TARS3: variants seen among roughly 807,000 people sequenced by gnomAD.
The protein encoded by TARS3 is threonyl-tRNA synthetase 3.
TARS3 carries 94 observed loss-of-function variants against 103.5 expected under a neutral mutation model. The observed-to-expected ratio is 0.91, with a 90% CI of 0.77 to 1.08. The LOEUF (loss-of-function observed/expected upper bound fraction) is 1.08. Among genes scored for constraint, TARS3 ranks in the 50% least tolerant of loss-of-function variants. TARS3 has a pLI of 0.00. For missense variants in TARS3, 952 were observed against 995.2 expected (o/e 0.96, Z 0.58); for synonymous variants, 416 against 355.4 (o/e 1.17, Z -1.92).
intron 7 of TARS3, 128 bp from the exon 8 acceptor site, chr15:101,704,065 T>A (rs1899419400): frequency 3.3e-6 from 2 of 600,662 alleles, no homozygotes; most frequent in East Asian, 6.2e-5. Context: ...CATTTTTAAT[T>A]TAGGGTGAAG....
At chr15:101,669,884 T>C (rs1897729127) in intron 15 of TARS3, among the ~76,000 whole-genome samples, 2 of 152,238 alleles carry the variant, frequency 1.3e-5, no homozygotes, top group African/African-American at 4.8e-5. Flanking sequence ...CACATATATA[T>C]GTCCAACTAA....
intron 13 of TARS3, among the ~76,000 whole-genome samples, chr15:101,672,347 G>T (rs1435949624): frequency 6.6e-6 from 1 of 152,208 alleles, no homozygotes; most frequent in Non-Finnish European, 1.5e-5. Flanking sequence ...CATTGAAGGT[G>T]AGGATGCAAG....
chr15:101,714,984 T>A (rs199733310), intron 3 of TARS3, 21 bp from the exon 4 acceptor site: 214 of 1,600,242 alleles, frequency 1.3e-4, no homozygotes, highest in Non-Finnish European at 9.4e-6. Flanking sequence ...AAAAGCCACT[T>A]GGGAGTTAAC....
chr15:101,724,161 G>T lies in TARS3; in HGVS notation c.227C>A (p.Ala76Asp). The T allele has an allele frequency of 6.7e-7, 1 of 1,482,446 alleles. No homozygotes were observed. Among genetic ancestry groups the T allele is most frequent in the Non-Finnish European group, 8.9e-7 (1 of 1,118,308 alleles). 91.8% of individuals were successfully genotyped at this position (1,482,446 alleles called of 1,614,324 possible). ...CGTGGCCTGGCGGCTCCGCTCCTCGGCGAGGCACAGCCGCAGGCTGCACAG... is the reference window on the plus strand; with the variant it reads ...CGTGGCCTGGCGGCTCCGCTCCTCGTCGAGGCACAGCCGCAGGCTGCACAG... ...HRLCSLRLCL[A>D]EERSRQATLE... The change falls in exon 1 of 19, where the codon GCC becomes GAC. Residue 76 changes from alanine to aspartate, a missense_variant. Transcript: ENST00000335968.
At chr15:101,675,861 G>T in intron 12 of TARS3, 124 bp from the exon 13 acceptor site, 2 of 1,122,446 alleles carry the variant, frequency 1.8e-6, no homozygotes, top group Non-Finnish European at 2.5e-6. Context: ...TGATGATCCT[G>T]TTTTGGTTGC....
intron 15 of TARS3, among the ~76,000 whole-genome samples, chr15:101,665,266 A>C (rs1897537194): frequency 6.6e-6 from 1 of 152,250 alleles, no homozygotes; most frequent in Non-Finnish European, 1.5e-5. Context: ...ATAAGTCCAC[A>C]GACAGACACA....
chr15:101,657,817 C>T lies in TARS3; in HGVS notation c.2113G>A (p.Val705Met), dbSNP rs776089185. 1.9e-6 allele frequency: 3 copies of T among 1,609,890 alleles called. No homozygotes were observed. The South Asian group carries it at 3.3e-5, about 18-fold the overall frequency. The change falls in exon 17 of 19, where the codon GTG becomes ATG. Residue 705 changes from valine to methionine, a missense_variant. Around this residue, in one of 2 missense-constraint regions of TARS3, gnomAD observed 540 missense variants for 631.0 expected, o/e 0.86. Coordinates refer to ENST00000335968, the MANE Select transcript of TARS3 (RefSeq NM_152334.3). Reference protein sequence around the residue: ...LSPRQVMVIPVGPTCEKYALQ... With the variant: ...LSPRQVMVIPMGPTCEKYALQ... Reference sequence around the variant, plus strand: ...GCATATTTTTCACAAGTTGGCCCCACAGGGATGACCATCACCTGACGAGGA... The same window carrying T: ...GCATATTTTTCACAAGTTGGCCCCATAGGGATGACCATCACCTGACGAGGA...
chr15:101,724,353 G>A lies in TARS3; in HGVS notation c.35C>T (p.Ala12Val). 1 of 1,545,746 alleles carries A rather than the reference G, an allele frequency of 6.5e-7. No individual in the cohort carries two copies. The highest frequency in any genetic ancestry group is 8.7e-7 in the Non-Finnish European group (1 of 1,152,566). The change falls in exon 1 of 19, where the codon GCG (alanine) becomes GTG (valine). Residue 12 changes from alanine to valine, a missense_variant. Coordinates refer to ENST00000335968, the MANE Select transcript of TARS3 (RefSeq NM_152334.3). ...CTCCTCCTGCCGCTCCAGGCGCGAC[G>A]CCACGGCCTCCGCCGCCAGGGCCTC... ...AAEALAAEAV[A>V]SRLERQEEDI... is the part of the protein sequence containing the mutation.
chr15:101,686,664 G>A (rs1898489921), intron 10 of TARS3, among the ~76,000 whole-genome samples: 1 of 152,118 alleles, frequency 6.6e-6, no homozygotes, highest in South Asian at 2.1e-4. Flanking sequence ...ACAATTAGGT[G>A]ATCTTTGTTG....
At position 101,703,917 on chromosome 15, in the gene TARS3, A is replaced by T. The variant is rs764327590; in HGVS notation, c.1016T>A (p.Leu339His). 7.4e-6 allele frequency: 12 copies of T among 1,613,152 alleles called. No individual in the cohort carries two copies. Among genetic ancestry groups the T allele is most frequent in the Non-Finnish European group, 9.3e-6 (11 of 1,179,454 alleles). Residue 339 changes from leucine to histidine, a missense_variant, in exon 8 of 19, where the codon CTT (leucine) becomes CAT (histidine). By Grantham distance (99) the Leu-to-His change is moderately conservative. Coordinates refer to ENST00000335968, the MANE Select transcript of TARS3 (RefSeq NM_152334.3). The part of the protein sequence containing the change: ...TVYRCGPLID[L>H]CKGPHVRHTG... The stretch of plus-strand genomic sequence containing the variant: ...GTGTCTTACATGTGGACCTTTGCAA[A>T]GGTCAATTAATGGACCGCACCTATA...
At chr15:101,694,732 T>C (rs1898885696) in intron 10 of TARS3, among the ~76,000 whole-genome samples, 1 of 152,250 alleles carries the variant, frequency 6.6e-6, no homozygotes, top group Admixed American at 6.5e-5. Flanking sequence ...AACACTAATG[T>C]AAGAAAGCTA....
intron 8 of TARS3, 115 bp downstream of exon 8, chr15:101,703,744 T>G (rs568207145): frequency 1.5e-6 from 1 of 665,840 alleles, no homozygotes; most frequent in African/African-American, 1.8e-5. Flanking sequence ...ATGAAATATT[T>G]TAAAATATCA....
At chr15:101,673,872 T>C (rs1487643028) in intron 13 of TARS3, among the ~76,000 whole-genome samples, 1 of 152,176 alleles carries the variant, frequency 6.6e-6, no homozygotes, top group Non-Finnish European at 1.5e-5. Flanking sequence ...GTAAAAATAA[T>C]TGTTATACTA....
intron 3 of TARS3, among the ~76,000 whole-genome samples, chr15:101,716,813 A>T (rs568002056): frequency 1.3e-5 from 2 of 151,832 alleles, no homozygotes; most frequent in Admixed American, 6.6e-5. Flanking sequence ...CTGAGTTCTC[A>T]TAATGTTAGG....
intron 12 of TARS3, among the ~76,000 whole-genome samples, chr15:101,679,363 G>A (rs1337886708): frequency 2.0e-5 from 3 of 151,984 alleles, no homozygotes; most frequent in African/African-American, 4.8e-5. Flanking sequence ...TGTAATTTCT[G>A]TTCTTGTCAT....
intron 13 of TARS3, among the ~76,000 whole-genome samples, chr15:101,672,999 G>T (rs1014833712): frequency 1.1e-4 from 16 of 152,184 alleles, no homozygotes; most frequent in African/African-American, 3.9e-4. Flanking sequence ...GGCCTTGGAG[G>T]ACACAGGACA....
At chr15:101,678,400 C>A (rs1898118586) in intron 12 of TARS3, among the ~76,000 whole-genome samples, 1 of 151,988 alleles carries the variant, frequency 6.6e-6, no homozygotes, top group Non-Finnish European at 1.5e-5. Flanking sequence ...TCTTGTTATT[C>A]ATTTCTGTTT....
At chr15:101,709,459 C>T (rs770024504) in intron 5 of TARS3, among the ~76,000 whole-genome samples, 8 of 152,186 alleles carry the variant, frequency 5.3e-5, no homozygotes, top group African/African-American at 9.6e-5. Flanking sequence ...CATATCCCCA[C>T]ACCAGGACAG....
chr15:101,704,463 G>A (rs534126460), intron 7 of TARS3, among the ~76,000 whole-genome samples: 9 of 152,010 alleles, frequency 5.9e-5, no homozygotes, highest in South Asian at 2.1e-4. Flanking sequence ...GACCAGCCTC[G>A]CCAACATAGT....
Sources: allele counts gnomAD v4.1 joint callset (sites outside exome capture counted in the v4.1 genomes callset), GRCh38; gene constraint gnomAD v4.1.1; regional missense constraint gnomAD v4.1.1; transcripts MANE v1.5; gene names NCBI Gene and HGNC (gene_info 2026-07-23, HGNC 2026-07-21).